FOXN3: variants seen among roughly 807,000 people sequenced by gnomAD.
The protein encoded by FOXN3 is forkhead box N3.
FOXN3 carries 7 observed loss-of-function variants against 38.4 expected under a neutral mutation model. The ratio of observed to expected loss-of-function variants is 0.18; its 90% confidence interval spans 0.10 to 0.34. The LOEUF (loss-of-function observed/expected upper bound fraction) is 0.34, where lower values mean the gene tolerates loss of function less well. FOXN3 is among the 10% of genes least tolerant of loss of function. The pLI is 1.00. For missense variants in FOXN3, 456 were observed against 613.4 expected, an observed-to-expected ratio of 0.74 and a Z score of 2.71; for synonymous variants, 230 against 242.2, an observed-to-expected ratio of 0.95 and a Z score of 0.47.
rs569561760 is a variant in FOXN3, at chr14:89,456,734, T to G, written c.-14-44244A>C. The stretch of plus-strand genomic sequence containing the variant: ...TCGCACCACTGCACTCCAGCCTGGG[T>G]GACAGAGTGAAACGCTGTCGCAAAT... On this transcript the variant is annotated intron_variant, in intron 1 of 6. Coordinates refer to the FOXN3 transcript ENST00000345097. 2.6e-5 allele frequency among the ~76,000 whole-genome samples: 4 copies of G among 152,288 alleles called. No individual in the cohort carries two copies. The South Asian group carries it at 8.3e-4, about 32-fold the overall frequency.
intron 4 of FOXN3, among the ~76,000 whole-genome samples, chr14:89,200,001 G>A (rs1340283590): frequency 2.0e-5 from 3 of 152,160 alleles, no homozygotes; most frequent in Non-Finnish European, 4.4e-5. Flanking sequence ...ATCTTAGGGG[G>A]TCCTGGAACC....
At chr14:89,506,373 G>A (rs1893937044) in intron 1 of FOXN3, among the ~76,000 whole-genome samples, 1 of 144,488 alleles carries the variant, frequency 6.9e-6, no homozygotes, top group Non-Finnish European at 1.5e-5. Context: ...GGGAGGTGAG[G>A]GGCGCCTCTG....
chr14:89,553,251 A>C (rs1895045598), intron 1 of FOXN3, among the ~76,000 whole-genome samples: 1 of 145,948 alleles, frequency 6.9e-6, no homozygotes, highest in African/African-American at 2.8e-5. Flanking sequence ...AAAAAAAAAA[A>C]AAAAAAAAAA....
intron 1 of FOXN3, among the ~76,000 whole-genome samples, chr14:89,609,520 C>T (rs77322580): frequency 6.6e-6 from 1 of 152,162 alleles, no homozygotes; most frequent in African/African-American, 2.4e-5. Context: ...GGCTCCGTGC[C>T]AAGTGCTTTT....
chr14:89,590,761 T>C (rs1049739721), intron 1 of FOXN3, among the ~76,000 whole-genome samples: 5 of 151,912 alleles, frequency 3.3e-5, no homozygotes, highest in Non-Finnish European at 5.9e-5. Flanking sequence ...CCGTAAAACC[T>C]AGAAATACAT....
chr14:89,430,496 G>T (rs1892132221), intron 1 of FOXN3, among the ~76,000 whole-genome samples: 1 of 152,128 alleles, frequency 6.6e-6, no homozygotes, highest in Non-Finnish European at 1.5e-5. Context: ...ATTAAATAAA[G>T]AATTTTAGCT....
chr14:89,253,704 C>A (rs1045563806), intron 4 of FOXN3, among the ~76,000 whole-genome samples: 3 of 152,128 alleles, frequency 2.0e-5, no homozygotes, highest in Admixed American at 1.3e-4. Flanking sequence ...TCTAATAAAT[C>A]TTTGGCCTCC....
upstream of FOXN3, chr14:89,419,430 A>G (rs899690654): frequency 1.5e-5 from 5 of 324,976 alleles, no homozygotes; most frequent in South Asian, 7.6e-5. Context: ...ACTTTCAGAA[A>G]GGACCCTTGC....
At chr14:89,571,650 C>G (rs1407881950) in intron 1 of FOXN3, among the ~76,000 whole-genome samples, 1 of 152,208 alleles carries the variant, frequency 6.6e-6, no homozygotes, top group Non-Finnish European at 1.5e-5. Context: ...AACTCCACCA[C>G]TGTAGCTCAA....
chr14:89,344,946 G>A lies in FOXN3; in HGVS notation c.680+5726C>T, dbSNP rs1011798485. On this transcript the variant is annotated intron_variant, in intron 3 of 5. Transcript: ENST00000557258. ...TCAGTGGACTTTTCCGAAGAGGTAC[G>A]GGCAAGCAACCCAAACACACCACCC... 1.2e-4 allele frequency among the ~76,000 whole-genome samples: 18 copies of A among 152,104 alleles called. 1 individual carries two copies. Among genetic ancestry groups the A allele is most frequent in the Admixed American group, 6.5e-4 (10 of 15,274 alleles).
intron 1 of FOXN3, among the ~76,000 whole-genome samples, chr14:89,422,271 A>G (rs1891930706): frequency 6.6e-6 from 1 of 152,172 alleles, no homozygotes. Context: ...GGGCTTGTTA[A>G]AACACAAACT....
At chr14:89,178,328 T>C (rs1408066496) in intron 5 of FOXN3, among the ~76,000 whole-genome samples, 2 of 152,128 alleles carry the variant, frequency 1.3e-5, no homozygotes, top group Non-Finnish European at 2.9e-5. Context: ...TTTTAAACTT[T>C]TTGTAGAGCT....
At position 89,165,510 on chromosome 14, in the gene FOXN3, A is replaced by C. The variant is rs112171604; in HGVS notation, c.852-2541T>G. 2.4e-3 allele frequency among the ~76,000 whole-genome samples: 373 copies of C among 152,346 alleles called. 3 individuals are homozygous for C. Among genetic ancestry groups the C allele is most frequent in the African/African-American group, 8.5e-3 (353 of 41,578 alleles). ...AACCCAGCACCAAGTCAGAGGAAAC[A>C]GGCCCTTCAAGAGGAGTTCCTCCAG... On this transcript the variant is annotated intron_variant, in intron 5 of 5. Coordinates refer to ENST00000557258, the MANE Select transcript of FOXN3 (RefSeq NM_005197.4).
intron 1 of FOXN3, among the ~76,000 whole-genome samples, chr14:89,537,724 T>G (rs369495489): frequency 8.0e-4 from 122 of 152,304 alleles, no homozygotes; most frequent in African/African-American, 2.6e-3. Context: ...AGATCCAGAA[T>G]GAACTTACCA....
At chr14:89,519,560 GGA>G (rs1264263319) in intron 1 of FOXN3, among the ~76,000 whole-genome samples, 2 of 128,958 alleles carry the variant, frequency 1.6e-5, no homozygotes, top group African/African-American at 3.2e-5. Flanking sequence ...ACGATTTGGA[GGA>G]GAGAGTCTGG....
At chr14:89,446,674 G>A (rs1892509104) in intron 1 of FOXN3, among the ~76,000 whole-genome samples, 1 of 152,104 alleles carries the variant, frequency 6.6e-6, no homozygotes, top group Admixed American at 6.5e-5. Context: ...AGCTCCATGT[G>A]GGCTGAGACC....
intron 1 of FOXN3, among the ~76,000 whole-genome samples, chr14:89,464,879 G>A (rs1892941173): frequency 6.6e-6 from 1 of 151,996 alleles, no homozygotes; most frequent in Admixed American, 6.6e-5. Flanking sequence ...TGTACTTTTG[G>A]TAGAGATTGA....
At chr14:89,236,464 G>A (rs1311599755) in intron 4 of FOXN3, among the ~76,000 whole-genome samples, 3 of 152,136 alleles carry the variant, frequency 2.0e-5, no homozygotes, top group Non-Finnish European at 4.4e-5. Flanking sequence ...GCAGTGAGCC[G>A]AGATCACGCC....
intron 1 of FOXN3, among the ~76,000 whole-genome samples, chr14:89,490,982 G>T (rs1051371324): frequency 6.6e-6 from 1 of 150,596 alleles, no homozygotes; most frequent in South Asian, 2.1e-4. Context: ...AATCATTTTT[G>T]TTTTTTTTTG....
Sources: gnomAD v4.1 joint callset for allele counts (sites outside exome capture counted in the v4.1 genomes callset) on GRCh38, gnomAD v4.1.1 for gene constraint, MANE v1.5 for transcripts, NCBI Gene and HGNC (gene_info 2026-07-23, HGNC 2026-07-21) for gene names.